Variants in CLSTN2 observed in about 807,000 individuals in gnomAD.
CLSTN2 encodes the protein calsyntenin 2, also known as calsyntenin-2.
A neutral mutation model predicts 101.2 loss-of-function variants in CLSTN2; 48 were observed. The ratio of observed to expected loss-of-function variants is 0.47; its 90% CI spans 0.38 to 0.60. CLSTN2 has a LOEUF of 0.60. Ranked by LOEUF, CLSTN2 falls within the 20% of genes least tolerant of loss-of-function variation. The probability of loss-of-function intolerance (pLI) is 0.00; values close to 1 mark genes in which losing one functional copy is unlikely to be tolerated. For missense variants in CLSTN2, 1,160 were observed against 1,238.2 expected (o/e 0.94, Z 0.95); for synonymous variants, 481 against 463.6 (o/e 1.04, Z -0.48).
At chr3:140,499,424 C>A (rs1033119560) in intron 8 of CLSTN2, among the ~76,000 whole-genome samples, 2 of 152,132 alleles carry the variant, frequency 1.3e-5, no homozygotes, top group African/African-American at 4.8e-5. Context: ...TTTGATTGGA[C>A]CTTATAATTA....
Position 139,987,109 on chromosome 3 carries a change from G to A in CLSTN2, c.109+51626G>A, listed in dbSNP as rs182933550. ...TGATTTAGTTCCTCTGTCTTTTGGA[G>A]AGTCAAGTATTTTTTAATAATCCAA... On this transcript the variant is annotated intron_variant, in intron 1 of 16. Coordinates refer to ENST00000458420, the MANE Select transcript of CLSTN2 (RefSeq NM_022131.3). Among the ~76,000 whole-genome samples, 100 of 152,232 alleles carry A rather than the reference G, an allele frequency of 6.6e-4. 1 individual carries two copies. The highest frequency in any genetic ancestry group is 1.2e-3 in the Admixed American group (19 of 15,280).
chr3:139,939,827 C>T (rs754493388), intron 1 of CLSTN2, among the ~76,000 whole-genome samples: 1 of 152,146 alleles, frequency 6.6e-6, no homozygotes, highest in Non-Finnish European at 1.5e-5. Context: ...CCAACTGAAG[C>T]ACAAATGCCA....
intron 2 of CLSTN2, among the ~76,000 whole-genome samples, chr3:140,199,103 A>G (rs2010685771): frequency 6.6e-6 from 1 of 152,228 alleles, no homozygotes; most frequent in Admixed American, 6.5e-5. Context: ...TGTCAGGGCC[A>G]GAAGATGGAA....
At chr3:140,130,609 T>G (rs991473372) in intron 1 of CLSTN2, among the ~76,000 whole-genome samples, 6 of 152,132 alleles carry the variant, frequency 3.9e-5, no homozygotes, top group African/African-American at 1.4e-4. Flanking sequence ...GCTCACATTC[T>G]TCTAATGGCA....
intron 2 of CLSTN2, among the ~76,000 whole-genome samples, chr3:140,224,909 T>C (rs1159576307): frequency 6.6e-6 from 1 of 152,104 alleles, no homozygotes; most frequent in Non-Finnish European, 1.5e-5. Context: ...GTCCACAATA[T>C]AAGAAGAAAT....
At chr3:140,562,082 G>A (rs1403472895) in intron 12 of CLSTN2, 56 bp from the exon 13 acceptor site, 6 of 1,519,946 alleles carry the variant, frequency 3.9e-6, no homozygotes, top group Admixed American at 3.4e-5. Flanking sequence ...GATTAGCAAG[G>A]GCTGTTTTCT....
chr3:140,300,076 G>C (rs1444713043), intron 2 of CLSTN2, among the ~76,000 whole-genome samples: 11 of 152,202 alleles, frequency 7.2e-5, no homozygotes, highest in Admixed American at 6.5e-4. Flanking sequence ...CCCTCACTGG[G>C]AGCTATTGCC....
At chr3:140,536,524 C>G (rs568600074) in intron 9 of CLSTN2, among the ~76,000 whole-genome samples, 5 of 152,200 alleles carry the variant, frequency 3.3e-5, no homozygotes, top group African/African-American at 1.2e-4. Flanking sequence ...GATGACCTCA[C>G]AGGTTCACTG....
At position 140,305,001 on chromosome 3, in the gene CLSTN2, A is replaced by T. The variant is rs371346424; in HGVS notation, c.233-98628A>T. On this transcript the variant is annotated intron_variant, in intron 2 of 16. Coordinates refer to ENST00000458420, the MANE Select transcript of CLSTN2 (RefSeq NM_022131.3). ...GATAGTTTGCTTCTCCCTGGAGGAC[A>T]TAGCTGTCACACACACACAGAGACA... Among the ~76,000 whole-genome samples the T allele has an allele frequency of 8.0e-4, 122 of 151,920 alleles. 1 individual carries two copies. The South Asian group carries it at 0.013, about 16-fold the overall frequency.
At chr3:140,082,635 C>T (rs1321530581) in intron 1 of CLSTN2, among the ~76,000 whole-genome samples, 1 of 152,168 alleles carries the variant, frequency 6.6e-6, no homozygotes, top group African/African-American at 2.4e-5. Context: ...CCTTCTCATC[C>T]CCTCGTTGTG....
intron 2 of CLSTN2, among the ~76,000 whole-genome samples, chr3:140,232,882 G>A (rs948407612): frequency 9.9e-5 from 15 of 152,000 alleles, no homozygotes; most frequent in Admixed American, 8.5e-4. Context: ...GCTTAGTTCA[G>A]AACACCAGCT....
chr3:140,567,894 C>A lies in CLSTN2; in HGVS notation c.*1641C>A, dbSNP rs1173529455. On this transcript the variant is annotated 3_prime_UTR_variant, in exon 17 of 17. Transcript: ENST00000458420. ...TAGTCTGACCTCCACCCAGGGAGGA[C>A]CCATGGCAGGTCTTTTCAACTTTCT... 6.6e-6 allele frequency: 1 copy of A among 152,222 alleles called. No homozygotes were observed. Among genetic ancestry groups the A allele is most frequent in the Non-Finnish European group, 1.5e-5 (1 of 68,042 alleles). The allele number at this position is 152,222 out of a possible 1,614,324, so 9.4% of individuals were successfully genotyped here.
chr3:140,198,530 TC>T (rs367696881), intron 2 of CLSTN2, among the ~76,000 whole-genome samples: 3 of 152,150 alleles, frequency 2.0e-5, no homozygotes, highest in African/African-American at 7.2e-5. Context: ...TAGGGTAAGG[TC>T]CCGGCTTTGT....
At chr3:140,438,262 C>T (rs1446191601) in intron 5 of CLSTN2, among the ~76,000 whole-genome samples, 1 of 151,684 alleles carries the variant, frequency 6.6e-6, no homozygotes. Context: ...AGAGCCACCT[C>T]TCCCACCCTC....
rs569531941 is a variant in CLSTN2, at chr3:140,418,351, A to G, written c.638-2774A>G. 2.6e-5 allele frequency among the ~76,000 whole-genome samples: 4 copies of G among 152,252 alleles called. No homozygotes were observed. In the East Asian group the frequency reaches 7.7e-4, roughly 29 times the overall value. Reference sequence around the variant, plus strand: ...ATGAAAGGGATTCCGAACACCAGCCACTAAGCTAGAAACACATCAAACACG... The same window carrying G: ...ATGAAAGGGATTCCGAACACCAGCCGCTAAGCTAGAAACACATCAAACACG... On this transcript the variant is annotated intron_variant, in intron 4 of 16. Transcript: ENST00000458420.
intron 1 of CLSTN2, among the ~76,000 whole-genome samples, chr3:140,114,242 T>C (rs2009202464): frequency 6.6e-6 from 1 of 152,214 alleles, no homozygotes; most frequent in Non-Finnish European, 1.5e-5. Context: ...TTACTCATCA[T>C]TCCCAGAATT....
intron 2 of CLSTN2, among the ~76,000 whole-genome samples, chr3:140,248,379 A>C (rs1019151843): frequency 1.3e-5 from 2 of 152,172 alleles, no homozygotes; most frequent in African/African-American, 4.8e-5. Context: ...CAGCAGCTTC[A>C]AGTCCAAAGG....
chr3:140,453,176 G>C (rs1933291842), intron 6 of CLSTN2: 1 of 152,218 alleles, frequency 6.6e-6, no homozygotes, highest in Non-Finnish European at 1.5e-5. Context: ...AACCTTGGTG[G>C]TTCCTCATAG....
At chr3:140,057,935 A>T (rs1473113467) in intron 1 of CLSTN2, among the ~76,000 whole-genome samples, 2 of 152,198 alleles carry the variant, frequency 1.3e-5, no homozygotes, top group African/African-American at 4.8e-5. Context: ...CAAATGGCTA[A>T]GGCAAGAGAT....
Sources: gnomAD v4.1 joint callset for allele counts (sites outside exome capture counted in the v4.1 genomes callset) on GRCh38, gnomAD v4.1.1 for gene constraint, MANE v1.5 for transcripts, NCBI Gene and HGNC (gene_info 2026-07-23, HGNC 2026-07-21) for gene names.